Variants in RELN observed in about 807,000 individuals in gnomAD.
The protein encoded by RELN is reelin.
Under a neutral mutation model 427.6 loss-of-function variants are expected in RELN, and 108 were observed. That is an observed-to-expected ratio of 0.25 (90% CI 0.22 to 0.30). RELN has a LOEUF of 0.30. RELN is among the 10% of genes least tolerant of loss of function. The probability of loss-of-function intolerance (pLI) is 1.00; values close to 1 mark genes in which losing one functional copy is unlikely to be tolerated. For missense variants in RELN, 3,715 were observed against 4,302.8 expected (o/e 0.86, Z 3.82); for synonymous variants, 1,524 against 1,513.4 (o/e 1.01, Z -0.16).
intron 36 of RELN, among the ~76,000 whole-genome samples, chr7:103,559,110 T>C (rs1464183330): frequency 2.0e-5 from 3 of 152,004 alleles, no homozygotes; most frequent in Admixed American, 1.3e-4. Context: ...CAGAAAAATA[T>C]TATTCTCATA....
Position 103,728,225 on chromosome 7 carries a change from A to T in RELN, c.657-18T>A, listed in dbSNP as rs1230862320. On this transcript the variant is annotated intron_variant, in intron 6 of 64. Coordinates refer to ENST00000428762, the MANE Select transcript of RELN (RefSeq NM_005045.4). ...ATTCAACCCTGCAGGAAAACAGAAC[A>T]CAGTCCCCGTCTGAGAACTAAGTAG... 1.9e-6 allele frequency: 3 copies of T among 1,612,552 alleles called. No individual in the cohort carries two copies. Among genetic ancestry groups the T allele is most frequent in the Non-Finnish European group, 2.5e-6 (3 of 1,178,826 alleles).
chr7:103,536,798 T>G (rs4140931), intron 45 of RELN, among the ~76,000 whole-genome samples: 6,786 of 152,282 alleles, frequency 0.045, 238 homozygotes, highest in East Asian at 0.19. Flanking sequence ...AAGTACACTC[T>G]TGATTCAGTG....
In RELN at chr7:103,497,877, A is replaced by T; in HGVS notation, c.8893T>A (p.Cys2965Ser). The T allele has an allele frequency of 6.2e-7, 1 of 1,614,162 alleles. No individual in the cohort carries two copies. The highest frequency in any genetic ancestry group is 8.5e-7 in the Non-Finnish European group (1 of 1,180,014). Reference sequence around the variant, plus strand: ...TCCTTCCGGCAGATGGGACGATGGCAAGAGGTCATGTTGTTCTCACTACCG... The same window carrying T: ...TCCTTCCGGCAGATGGGACGATGGCTAGAGGTCATGTTGTTCTCACTACCG... ...RIGSENNMTS[C>S]HRPICRKEGV... The change falls in exon 55 of 65, where the codon TGC becomes AGC. Residue 2965 changes from cysteine (C) to serine (S), a missense_variant. By Grantham distance (112) the Cys-to-Ser change is moderately radical. Transcript: ENST00000428762.
At chr7:103,751,708 T>C (rs1475268479) in intron 5 of RELN, among the ~76,000 whole-genome samples, 2 of 152,242 alleles carry the variant, frequency 1.3e-5, no homozygotes, top group East Asian at 3.8e-4. Flanking sequence ...GGCATGCTTC[T>C]AAGCGCTTGC....
At chr7:103,854,023 T>C (rs1793885466) in intron 2 of RELN, among the ~76,000 whole-genome samples, 1 of 152,160 alleles carries the variant, frequency 6.6e-6, no homozygotes, top group Admixed American at 6.6e-5. Flanking sequence ...GATGGATATG[T>C]GAATTACCCC....
intron 1 of RELN, among the ~76,000 whole-genome samples, chr7:103,957,967 T>C (rs767681695): frequency 2.6e-5 from 4 of 152,168 alleles, no homozygotes; most frequent in Non-Finnish European, 4.4e-5. Flanking sequence ...CCAGAGGTAA[T>C]GTGCAGCTTC....
At chr7:103,896,296 G>A (rs1453682199) in intron 2 of RELN, among the ~76,000 whole-genome samples, 2 of 151,988 alleles carry the variant, frequency 1.3e-5, no homozygotes, top group Non-Finnish European at 2.9e-5. Flanking sequence ...ACCCAGCAAC[G>A]CCACTCCTAG....
chr7:103,821,232 G>A (rs1312487679), intron 3 of RELN, among the ~76,000 whole-genome samples: 1 of 152,172 alleles, frequency 6.6e-6, no homozygotes, highest in Non-Finnish European at 1.5e-5. Flanking sequence ...TGGTTGATGT[G>A]TAGGCTTTAA....
rs1796694465 is a variant in RELN at position 103,968,133 on chromosome 7, A to G, written c.226+20998T>C. ...AACTTGTATTTCATTGATCAAACAG[A>G]ATACTTTCTACAAAGTAGGCCCTCA... is the stretch of plus-strand genomic sequence containing the variant. On this transcript the variant is annotated intron_variant, in intron 1 of 64. Coordinates refer to ENST00000428762, the MANE Select transcript of RELN (RefSeq NM_005045.4). The surrounding 1 kb of genome is among the most constrained non-coding windows in gnomAD (Gnocchi z 4.3). Among the ~76,000 whole-genome samples the G allele has an allele frequency of 6.6e-6, 1 of 151,848 alleles. No individual in the cohort carries two copies. Among genetic ancestry groups the G allele is most frequent in the Admixed American group, 6.6e-5 (1 of 15,222 alleles).
intron 41 of RELN, among the ~76,000 whole-genome samples, chr7:103,546,209 G>A (rs534635188): frequency 5.5e-4 from 84 of 152,226 alleles, no homozygotes; most frequent in African/African-American, 2.0e-3. Flanking sequence ...ATGGACTGAC[G>A]TATTCTGGAT....
chr7:103,876,254 C>A (rs2116544624), intron 2 of RELN, among the ~76,000 whole-genome samples: 1 of 152,194 alleles, frequency 6.6e-6, no homozygotes, highest in East Asian at 1.9e-4. Context: ...TTTACCCCTG[C>A]AAATACATTA....
chr7:103,985,730 G>C (rs1364556252), intron 1 of RELN, among the ~76,000 whole-genome samples: 1 of 152,196 alleles, frequency 6.6e-6, no homozygotes, highest in Non-Finnish European at 1.5e-5. Flanking sequence ...AAGGCGAGGA[G>C]TGGCAAACAA....
chr7:103,963,911 C>T (rs934580157), intron 1 of RELN, among the ~76,000 whole-genome samples: 1 of 151,974 alleles, frequency 6.6e-6, no homozygotes, highest in Non-Finnish European at 1.5e-5. Flanking sequence ...GTCTGTAATC[C>T]CAACACTTTG....
chr7:103,527,989 C>G (rs546714944), intron 46 of RELN, among the ~76,000 whole-genome samples: 4 of 152,252 alleles, frequency 2.6e-5, no homozygotes, highest in African/African-American at 7.2e-5. Flanking sequence ...TAAAAGAGTA[C>G]AGCTGTTGTG....
chr7:103,753,146 A>G, intron 5 of RELN, 36 bp downstream of exon 5: 5 of 1,609,444 alleles, frequency 3.1e-6, no homozygotes, highest in Non-Finnish European at 4.3e-6. Flanking sequence ...TAGATCAAGT[A>G]CTAAAGTTAA....
At chr7:103,663,094 A>T (rs183975205) in intron 11 of RELN, among the ~76,000 whole-genome samples, 2 of 152,272 alleles carry the variant, frequency 1.3e-5, no homozygotes, top group Non-Finnish European at 2.9e-5. Context: ...TCATTCTTTA[A>T]GATGTCCTTG....
intron 11 of RELN, among the ~76,000 whole-genome samples, chr7:103,676,087 C>T (rs1315783384): frequency 3.3e-5 from 5 of 152,252 alleles, no homozygotes; most frequent in Admixed American, 2.0e-4. Flanking sequence ...AAACTACCAT[C>T]AGAGTGAACA....
intron 1 of RELN, among the ~76,000 whole-genome samples, chr7:103,929,721 C>G (rs1795819854): frequency 6.6e-6 from 1 of 152,154 alleles, no homozygotes; most frequent in African/African-American, 2.4e-5. Flanking sequence ...CCATTTTAAA[C>G]AGTGAAATCA....
chr7:103,526,924 T>C (rs772973616), intron 46 of RELN, among the ~76,000 whole-genome samples: 4 of 152,122 alleles, frequency 2.6e-5, no homozygotes, highest in African/African-American at 7.2e-5. Flanking sequence ...CCAGAGAAGA[T>C]TTCTCATTTT....
Sources: allele counts gnomAD v4.1 joint callset (sites outside exome capture counted in the v4.1 genomes callset), GRCh38; gene constraint gnomAD v4.1.1; non-coding constraint Gnocchi (gnomAD v3.1); transcripts MANE v1.5; gene names NCBI Gene and HGNC (gene_info 2026-07-23, HGNC 2026-07-21).